Variants in TBC1D32 observed in about 807,000 individuals in gnomAD.
TBC1D32 encodes the protein TBC1 domain family member 32.
In TBC1D32, 151 loss-of-function variants were observed where a neutral mutation model predicts 170.3. That is an observed-to-expected ratio of 0.89 (90% CI 0.78 to 1.01). The LOEUF (loss-of-function observed/expected upper bound fraction) is 1.01. Ranked by LOEUF, TBC1D32 falls within the 50% of genes least tolerant of loss-of-function variation. TBC1D32 has a pLI of 0.00. For missense variants in TBC1D32, 1,464 were observed against 1,457.1 expected (o/e 1.00, Z -0.08); for synonymous variants, 498 against 488.0 (o/e 1.02, Z -0.27).
At chr6:121,293,294 T>C (rs1021845196) in intron 11 of TBC1D32, among the ~76,000 whole-genome samples, 6 of 152,090 alleles carry the variant, frequency 3.9e-5, no homozygotes, top group African/African-American at 1.4e-4. Context: ...TGAGATAACA[T>C]ATGAACTTAT....
At position 121,325,818 on chromosome 6, in the gene TBC1D32, A is replaced by G. The variant is rs189979113; in HGVS notation, c.156-4024T>C. On this transcript the variant is annotated intron_variant, in intron 1 of 31. Coordinates refer to ENST00000398212, the MANE Select transcript of TBC1D32 (RefSeq NM_152730.6). ...GAGCTTCTGCACAGCAAAAGAAACTATCACCAGAATGAACAGGCAACCTAC... is the reference window on the plus strand; with the variant it reads ...GAGCTTCTGCACAGCAAAAGAAACTGTCACCAGAATGAACAGGCAACCTAC... Among the ~76,000 whole-genome samples the G allele has an allele frequency of 1.2e-4, 19 of 152,338 alleles. No individual in the cohort carries two copies. In the East Asian group the frequency reaches 3.7e-3, roughly 29 times the overall value.
At chr6:121,140,853 C>A (rs1028156274) in intron 24 of TBC1D32, among the ~76,000 whole-genome samples, 1 of 152,084 alleles carries the variant, frequency 6.6e-6, no homozygotes, top group African/African-American at 2.4e-5. Flanking sequence ...AGCTTTCTAA[C>A]TGCAAACTTT....
intron 21 of TBC1D32, among the ~76,000 whole-genome samples, chr6:121,213,121 T>C (rs1441999633): frequency 2.6e-5 from 4 of 152,120 alleles, no homozygotes; most frequent in African/African-American, 9.7e-5. Context: ...CAGGAAACAT[T>C]TTCCTTGAAA....
At chr6:121,177,041 T>TA (rs1350578722) in intron 22 of TBC1D32, among the ~76,000 whole-genome samples, 1 of 151,558 alleles carries the variant, frequency 6.6e-6, no homozygotes, top group Non-Finnish European at 1.5e-5. Flanking sequence ...ATTTTTTTTT[T>TA]ACTGTATAAA....
chr6:121,207,206 T>C (rs1271161127), intron 21 of TBC1D32, among the ~76,000 whole-genome samples: 3 of 152,016 alleles, frequency 2.0e-5, no homozygotes, highest in Non-Finnish European at 4.4e-5. Context: ...GTGAGAGAGG[T>C]TGCCAATTAG....
chr6:121,304,293 T>C (rs1386513790), intron 8 of TBC1D32, 72 bp downstream of exon 8: 2 of 1,400,358 alleles, frequency 1.4e-6, no homozygotes, highest in African/African-American at 2.9e-5. Flanking sequence ...TCTTTACTCT[T>C]TCTGTCTGAA....
intron 22 of TBC1D32, among the ~76,000 whole-genome samples, chr6:121,171,813 A>C (rs1787050425): frequency 1.3e-5 from 2 of 152,134 alleles, no homozygotes. Context: ...CAAACATATC[A>C]TGAGAATGCT....
At chr6:121,112,417 C>A in intron 29 of TBC1D32, 88 bp downstream of exon 29, 3 of 1,200,914 alleles carry the variant, frequency 2.5e-6, no homozygotes, top group South Asian at 2.0e-5. Flanking sequence ...TTACAAAGTC[C>A]TTCACAAATA....
intron 26 of TBC1D32, among the ~76,000 whole-genome samples, chr6:121,122,586 A>T (rs542340755): frequency 6.6e-6 from 1 of 152,078 alleles, no homozygotes; most frequent in Non-Finnish European, 1.5e-5. Context: ...ATCATCAATA[A>T]AACTTTATAT....
At chr6:121,265,592 G>GA (rs71018121) in intron 15 of TBC1D32, among the ~76,000 whole-genome samples, 165 of 148,638 alleles carry the variant, frequency 1.1e-3, no homozygotes, top group African/African-American at 3.9e-3. Flanking sequence ...AACCAAAAAA[G>GA]AAAAAAAAAA....
intron 1 of TBC1D32, among the ~76,000 whole-genome samples, chr6:121,331,688 G>T (rs1811238583): frequency 6.6e-6 from 1 of 152,146 alleles, no homozygotes; most frequent in African/African-American, 2.4e-5. Context: ...AAGTGTTGAA[G>T]GAGAGTCAGG....
intron 21 of TBC1D32, among the ~76,000 whole-genome samples, chr6:121,212,404 C>G (rs528384191): frequency 6.7e-6 from 1 of 149,008 alleles, no homozygotes; most frequent in East Asian, 2.0e-4. Flanking sequence ...ATTCTGATAA[C>G]AAAACCTGGC....
chr6:121,286,605 C>A (rs1195862139), intron 12 of TBC1D32, among the ~76,000 whole-genome samples: 1 of 152,110 alleles, frequency 6.6e-6, no homozygotes, highest in Non-Finnish European at 1.5e-5. Flanking sequence ...AGAACTTCCC[C>A]AACCTAGCAA....
chr6:121,130,897 C>T (rs925122799), intron 25 of TBC1D32, among the ~76,000 whole-genome samples: 3 of 152,042 alleles, frequency 2.0e-5, no homozygotes, highest in African/African-American at 4.8e-5. Flanking sequence ...TATACTCAAA[C>T]TTTGGAGAAC....
upstream of TBC1D32, chr6:121,334,667 C>G (rs1267774895): frequency 3.5e-6 from 2 of 568,256 alleles, no homozygotes; most frequent in African/African-American, 1.9e-5. Flanking sequence ...CTCTTAGTTG[C>G]TAGCCTTCAG....
intron 17 of TBC1D32, among the ~76,000 whole-genome samples, chr6:121,245,861 G>A (rs1204248311): frequency 6.6e-6 from 1 of 152,102 alleles, no homozygotes; most frequent in Admixed American, 6.6e-5. Context: ...CACTGGAACA[G>A]TTGTGAGGCT....
At chr6:121,179,296 T>TTGTGTG (rs57769629) in intron 22 of TBC1D32, among the ~76,000 whole-genome samples, 1 of 147,918 alleles carries the variant, frequency 6.8e-6, no homozygotes, top group African/African-American at 2.5e-5. Flanking sequence ...TATGTATAGT[T>TTGTGTG]TGTGTGTGTG....
intron 21 of TBC1D32, among the ~76,000 whole-genome samples, chr6:121,217,660 A>C (rs905680516): frequency 6.6e-6 from 1 of 152,130 alleles, no homozygotes; most frequent in Non-Finnish European, 1.5e-5. Flanking sequence ...GGAGGTGGAG[A>C]AGGGAGAGGA....
chr6:121,160,952 T>A lies in TBC1D32; in HGVS notation c.2675A>T (p.Glu892Val). 1 of 1,613,128 alleles carries A rather than the reference T, an allele frequency of 6.2e-7. No homozygotes were observed. Among genetic ancestry groups the A allele is most frequent in the Non-Finnish European group, 8.5e-7 (1 of 1,179,180 alleles). ...TTCTCTTTGCCCCACACTCACCTTTTCGAGTAACCTCGGAGGCAAAATCCG... is the reference window on the plus strand; with the variant it reads ...TTCTCTTTGCCCCACACTCACCTTTACGAGTAACCTCGGAGGCAAAATCCG... Reference protein sequence around the residue: ...LERILPPRLLEKSDNPYPWPM... With the variant: ...LERILPPRLLVKSDNPYPWPM... Residue 892 changes from glutamate to valine, a missense_variant, in exon 23 of 32, where the codon GAA (glutamate) becomes GTA (valine). Physicochemically the swap from Glu to Val is moderately radical, Grantham distance 121 (BLOSUM62 -2). This residue lies in a region of TBC1D32 where 1,363 missense variants were observed against 1,338.1 expected (regional missense o/e 1.02). Coordinates refer to ENST00000398212, the MANE Select transcript of TBC1D32 (RefSeq NM_152730.6).
Sources: allele counts gnomAD v4.1 joint callset (sites outside exome capture counted in the v4.1 genomes callset), GRCh38; gene constraint gnomAD v4.1.1; regional missense constraint gnomAD v4.1.1; transcripts MANE v1.5; gene names NCBI Gene and HGNC (gene_info 2026-07-23, HGNC 2026-07-21).